ATRNL1: variants seen among roughly 807,000 people sequenced by gnomAD.
ATRNL1 encodes attractin like 1, also known as attractin-like protein 1.
A neutral mutation model predicts 182.7 loss-of-function variants in ATRNL1; 95 were observed. The observed-to-expected ratio is 0.52, with a 90% CI of 0.44 to 0.62. The LOEUF is 0.62. Among genes scored for constraint, ATRNL1 ranks in the 20% least tolerant of loss-of-function variants. ATRNL1 has a pLI of 0.00. For synonymous variants in ATRNL1, 576 were observed against 568.3 expected (o/e 1.01, Z -0.19); for missense variants, 1,471 against 1,679.5 (o/e 0.88, Z 2.17).
chr10:115,204,949 A>G (rs782668942), intron 8 of ATRNL1, among the ~76,000 whole-genome samples: 8 of 152,168 alleles, frequency 5.3e-5, no homozygotes, highest in Non-Finnish European at 1.0e-4. Flanking sequence ...CAAAAACTTG[A>G]TTAGTGTTTC....
At chr10:115,153,454 C>T (rs1846344630) in intron 5 of ATRNL1, among the ~76,000 whole-genome samples, 2 of 152,212 alleles carry the variant, frequency 1.3e-5, no homozygotes, top group South Asian at 4.2e-4. Flanking sequence ...GTGTATGTGT[C>T]CAGGAATTTA....
chr10:115,101,009 T>G (rs1022161971), intron 1 of ATRNL1, among the ~76,000 whole-genome samples: 5 of 152,198 alleles, frequency 3.3e-5, no homozygotes, highest in African/African-American at 1.2e-4. Flanking sequence ...TTTTTAAACT[T>G]TCACTTTTGA....
intron 4 of ATRNL1, among the ~76,000 whole-genome samples, chr10:115,128,792 A>C (rs1845087721): frequency 1.3e-5 from 2 of 150,570 alleles, no homozygotes; most frequent in South Asian, 4.2e-4. Flanking sequence ...GCACCACTGC[A>C]TTCCAGCCTG....
chr10:115,406,549 G>A (rs1844837770), intron 20 of ATRNL1, among the ~76,000 whole-genome samples: 1 of 152,018 alleles, frequency 6.6e-6, no homozygotes, highest in African/African-American at 2.4e-5. Context: ...TTTTAATTTT[G>A]ACACTTCTGA....
chr10:115,590,326 A>G (rs1367062440), intron 26 of ATRNL1, among the ~76,000 whole-genome samples: 5 of 152,138 alleles, frequency 3.3e-5, no homozygotes, highest in Non-Finnish European at 7.4e-5. Flanking sequence ...CCTGTTTTTA[A>G]TAATGATCTT....
chr10:115,287,540 CA>C (rs1852678754), intron 15 of ATRNL1, among the ~76,000 whole-genome samples: 1 of 151,932 alleles, frequency 6.6e-6, no homozygotes, highest in East Asian at 1.9e-4. Context: ...ATGGTAAGTA[CA>C]TTTTTTTGTT....
At chr10:115,139,046 G>A (rs890343739) in intron 5 of ATRNL1, among the ~76,000 whole-genome samples, 2 of 152,120 alleles carry the variant, frequency 1.3e-5, no homozygotes, top group Non-Finnish European at 2.9e-5. Context: ...AAAATGCCAC[G>A]AATCTCTTTG....
At chr10:115,381,143 T>G (rs1445251586) in intron 19 of ATRNL1, among the ~76,000 whole-genome samples, 1 of 152,214 alleles carries the variant, frequency 6.6e-6, no homozygotes, top group Non-Finnish European at 1.5e-5. Context: ...GTAATGATTT[T>G]AAATATCTTT....
At chr10:115,719,737 G>A (rs1298905544) in intron 26 of ATRNL1, among the ~76,000 whole-genome samples, 2 of 151,832 alleles carry the variant, frequency 1.3e-5, no homozygotes, top group African/African-American at 4.8e-5. Flanking sequence ...TTTTACCAAG[G>A]TCTATCCAGA....
intron 1 of ATRNL1, among the ~76,000 whole-genome samples, chr10:115,113,796 A>G (rs956703300): frequency 2.6e-5 from 4 of 152,134 alleles, no homozygotes; most frequent in Non-Finnish European, 4.4e-5. Flanking sequence ...TAATCTTAAA[A>G]TGTTTTCTAA....
chr10:115,357,583 A>G (rs1162381228), intron 19 of ATRNL1, among the ~76,000 whole-genome samples: 1 of 151,648 alleles, frequency 6.6e-6, no homozygotes, highest in East Asian at 1.9e-4. Flanking sequence ...TCTCTCAAAG[A>G]CCCATTTTTA....
intron 1 of ATRNL1, among the ~76,000 whole-genome samples, chr10:115,118,807 C>T (rs941331799): frequency 6.6e-6 from 1 of 152,094 alleles, no homozygotes; most frequent in Non-Finnish European, 1.5e-5. Context: ...TGGCTTTGTA[C>T]ATTTTATCAT....
chr10:115,191,106 C>T (rs2144234264), intron 8 of ATRNL1, among the ~76,000 whole-genome samples: 1 of 152,086 alleles, frequency 6.6e-6, no homozygotes, highest in East Asian at 1.9e-4. Flanking sequence ...GAATTTTCTT[C>T]TCATTCATCT....
chr10:115,507,579 T>G (rs1554981606), intron 24 of ATRNL1, among the ~76,000 whole-genome samples: 1 of 152,090 alleles, frequency 6.6e-6, no homozygotes, highest in African/African-American at 2.4e-5. Flanking sequence ...ACTTATTGAC[T>G]GGGTAACCTT....
intron 27 of ATRNL1, among the ~76,000 whole-genome samples, chr10:115,827,962 C>T (rs1392767583): frequency 1.3e-5 from 2 of 151,834 alleles, no homozygotes; most frequent in African/African-American, 2.4e-5. Flanking sequence ...CAAATGGAGC[C>T]GAGGGCAGAT....
At chr10:115,463,479 A>G (rs1480404382) in intron 22 of ATRNL1, among the ~76,000 whole-genome samples, 2 of 152,182 alleles carry the variant, frequency 1.3e-5, no homozygotes, top group Non-Finnish European at 2.9e-5. Flanking sequence ...TTATACCTGC[A>G]TTATAATTAC....
chr10:115,357,117 T>C (rs2134143456), intron 19 of ATRNL1, among the ~76,000 whole-genome samples: 1 of 152,050 alleles, frequency 6.6e-6, no homozygotes, highest in African/African-American at 2.4e-5. Context: ...TGATATAAGA[T>C]GTTATGATTG....
intron 3 of ATRNL1, among the ~76,000 whole-genome samples, chr10:115,126,225 T>C (rs556006780): frequency 4.6e-5 from 7 of 152,208 alleles, no homozygotes; most frequent in African/African-American, 1.7e-4. Context: ...GCCCACCTGA[T>C]TTTTTTGTAT....
chr10:115,422,862 T>G (rs2134382296), intron 20 of ATRNL1, among the ~76,000 whole-genome samples: 1 of 152,278 alleles, frequency 6.6e-6, no homozygotes, highest in Middle Eastern at 3.4e-3. Context: ...CACCAGAACC[T>G]ACTGGAGAGG....
Sources: allele counts gnomAD v4.1 joint callset (sites outside exome capture counted in the v4.1 genomes callset), GRCh38; gene constraint gnomAD v4.1.1; transcripts MANE v1.5; gene names NCBI Gene and HGNC (gene_info 2026-07-23, HGNC 2026-07-21).